Variants in SPOCK1 observed in about 807,000 individuals in gnomAD.
The protein encoded by SPOCK1 is SPARC (osteonectin), cwcv and kazal like domains proteoglycan 1.
SPOCK1 carries 23 observed loss-of-function variants against 55.3 expected under a neutral mutation model. That is an observed-to-expected ratio of 0.42 (90% confidence interval 0.30 to 0.59). The LOEUF (loss-of-function observed/expected upper bound fraction) is 0.59. SPOCK1 is among the 20% of genes least tolerant of loss of function. The pLI, the probability that SPOCK1 is intolerant of heterozygous loss-of-function variation, is 0.22. For missense variants in SPOCK1, 499 were observed against 552.5 expected (o/e 0.90, Z 0.97); for synonymous variants, 226 against 221.0 (o/e 1.02, Z -0.20).
At chr5:137,337,745 A>T (rs1184514758) in intron 2 of SPOCK1, among the ~76,000 whole-genome samples, 1 of 152,240 alleles carries the variant, frequency 6.6e-6, no homozygotes, top group Non-Finnish European at 1.5e-5. Context: ...TCAGTTTACA[A>T]CTGCATCAAG....
chr5:137,454,799 C>G (rs950703191), intron 2 of SPOCK1, among the ~76,000 whole-genome samples: 1 of 152,262 alleles, frequency 6.6e-6, no homozygotes, highest in South Asian at 2.1e-4. Context: ...AATGACAGCT[C>G]TTATACAATC....
intron 2 of SPOCK1, among the ~76,000 whole-genome samples, chr5:137,432,683 T>C (rs1019015261): frequency 2.0e-5 from 3 of 152,228 alleles, no homozygotes; most frequent in African/African-American, 7.2e-5. Context: ...ATGGTTGCAC[T>C]ACAATGTGAA....
intron 2 of SPOCK1, among the ~76,000 whole-genome samples, chr5:137,369,610 G>C (rs140181261): frequency 6.6e-6 from 1 of 152,138 alleles, no homozygotes; most frequent in Non-Finnish European, 1.5e-5. Context: ...GTCTTAGCTC[G>C]GGTTTCCGTA....
At chr5:137,324,910 G>A (rs1758047027) in intron 2 of SPOCK1, among the ~76,000 whole-genome samples, 1 of 151,414 alleles carries the variant, frequency 6.6e-6, no homozygotes, top group African/African-American at 2.4e-5. Context: ...GACAGAGAGA[G>A]CAGACCATCA....
chr5:137,076,124 G>A (rs1028313593), intron 5 of SPOCK1, among the ~76,000 whole-genome samples: 10 of 152,176 alleles, frequency 6.6e-5, no homozygotes, highest in Non-Finnish European at 1.5e-4. Context: ...GGATGCAGCA[G>A]AGAGCCCAGA....
rs146439123 is a variant in SPOCK1 at position 137,086,496 on chromosome 5, C to T, written c.475-18667G>A. ...GCTCTTTGTTTACTCTGAGTGTGGG[C>T]AAAATCATCCTCTAGGAGGCAGAGC... On this transcript the variant is annotated intron_variant, in intron 5 of 10. Coordinates refer to ENST00000394945, the MANE Select transcript of SPOCK1 (RefSeq NM_004598.4). 9.2e-5 allele frequency among the ~76,000 whole-genome samples: 14 copies of T among 152,240 alleles called. No homozygotes were observed. The East Asian group carries it at 2.5e-3, about 27-fold the overall frequency.
intron 5 of SPOCK1, among the ~76,000 whole-genome samples, chr5:137,070,616 C>T (rs1044428785): frequency 2.0e-5 from 3 of 152,188 alleles, no homozygotes; most frequent in Non-Finnish European, 4.4e-5. Flanking sequence ...CAGTACTCAC[C>T]ACATTCATCC....
chr5:137,284,792 G>T (rs1757231113), intron 2 of SPOCK1, among the ~76,000 whole-genome samples: 1 of 152,178 alleles, frequency 6.6e-6, no homozygotes, highest in Non-Finnish European at 1.5e-5. Flanking sequence ...TTTGGGAAAG[G>T]AGGGGTGGGT....
chr5:137,468,660 T>C (rs1283947197), intron 2 of SPOCK1, among the ~76,000 whole-genome samples: 1 of 152,202 alleles, frequency 6.6e-6, no homozygotes. Context: ...CAGTGGAAGT[T>C]TGGGGGGCCG....
intron 4 of SPOCK1, among the ~76,000 whole-genome samples, chr5:137,118,100 G>A (rs1334888510): frequency 6.6e-6 from 1 of 151,984 alleles, no homozygotes; most frequent in Non-Finnish European, 1.5e-5. Flanking sequence ...CATAACATTT[G>A]GATCTTCTAA....
chr5:137,076,607 T>TAA (rs35285273), intron 5 of SPOCK1, among the ~76,000 whole-genome samples: 33 of 112,650 alleles, frequency 2.9e-4, no homozygotes, highest in East Asian at 1.3e-3. Context: ...GGACTGAAAG[T>TAA]AAAAAAAAAA....
chr5:137,291,346 C>T (rs966980556), intron 2 of SPOCK1, among the ~76,000 whole-genome samples: 25 of 152,112 alleles, frequency 1.6e-4, no homozygotes, highest in Admixed American at 1.6e-3. Context: ...GATTACTGGC[C>T]CTATTTGAAA....
intron 6 of SPOCK1, among the ~76,000 whole-genome samples, chr5:137,028,718 T>C (rs1751722949): frequency 6.6e-6 from 1 of 151,864 alleles, no homozygotes; most frequent in Non-Finnish European, 1.5e-5. Flanking sequence ...AGTGAACACA[T>C]GTGAAATCTC....
intron 3 of SPOCK1, among the ~76,000 whole-genome samples, chr5:137,244,095 A>G (rs1756348087): frequency 6.6e-6 from 1 of 152,244 alleles, no homozygotes; most frequent in Non-Finnish European, 1.5e-5. Flanking sequence ...ATAAAAATTC[A>G]GTGAGTATAA....
intron 3 of SPOCK1, among the ~76,000 whole-genome samples, chr5:137,196,708 T>C (rs1755305670): frequency 6.6e-6 from 1 of 152,358 alleles, no homozygotes; most frequent in South Asian, 2.1e-4. Flanking sequence ...TTGACACATA[T>C]CACTGTTTAA....
chr5:137,143,356 G>A (rs764341714), intron 3 of SPOCK1, among the ~76,000 whole-genome samples: 4 of 152,106 alleles, frequency 2.6e-5, no homozygotes, highest in Non-Finnish European at 4.4e-5. Context: ...ACTGTCCTCC[G>A]GGTGGTCTCA....
intron 3 of SPOCK1, among the ~76,000 whole-genome samples, chr5:137,210,528 C>CT (rs549536622): frequency 1.3e-5 from 2 of 152,260 alleles, no homozygotes; most frequent in East Asian, 3.9e-4. Context: ...CCTACCAATC[C>CT]TTTTTATTAA....
chr5:137,209,109 A>ACAAAT (rs770761858), intron 3 of SPOCK1, among the ~76,000 whole-genome samples: 1 of 152,216 alleles, frequency 6.6e-6, no homozygotes, highest in Non-Finnish European at 1.5e-5. Flanking sequence ...AACACACTCA[A>ACAAAT]CAAATGTTAT....
chr5:137,089,349 T>C (rs929502342), intron 5 of SPOCK1, among the ~76,000 whole-genome samples: 8 of 152,324 alleles, frequency 5.3e-5, no homozygotes, highest in Middle Eastern at 3.4e-3. Flanking sequence ...AGACTCAAAA[T>C]TGTGGTGACA....
Sources: gnomAD v4.1 joint callset for allele counts (sites outside exome capture counted in the v4.1 genomes callset) on GRCh38, gnomAD v4.1.1 for gene constraint, MANE v1.5 for transcripts, NCBI Gene and HGNC (gene_info 2026-07-23, HGNC 2026-07-21) for gene names.